Variants in BMAL1 observed in about 807,000 individuals in gnomAD.
BMAL1 encodes the protein basic helix-loop-helix ARNT-like protein 1.
chr11:13,287,275 T>A, the BMAL1 span, among the ~76,000 whole-genome samples: 9 of 152,166 alleles, frequency 5.9e-5, no homozygotes, highest in Admixed American at 6.5e-5. Context: ...TCATAGAGAG[T>A]GACAGAGCAC....
the BMAL1 span, chr11:13,354,370 C>T: frequency 6.2e-7 from 1 of 1,614,172 alleles, no homozygotes; most frequent in Non-Finnish European, 8.5e-7. Flanking sequence ...CCGGGCCCCA[C>T]CGACCTGCTT....
the BMAL1 span, among the ~76,000 whole-genome samples, chr11:13,290,559 A>ATATTATTATTAT: frequency 3.0e-4 from 44 of 149,060 alleles, no homozygotes; most frequent in African/African-American, 9.4e-4. Flanking sequence ...ACAAGTGTAT[A>ATATTATTATTAT]TATTATTATT....
the BMAL1 span, among the ~76,000 whole-genome samples, chr11:13,337,438 AT>A: frequency 2.0e-5 from 3 of 152,216 alleles, no homozygotes; most frequent in East Asian, 5.8e-4. Context: ...CTATTGATAT[AT>A]TAACAGATGC....
the BMAL1 span, among the ~76,000 whole-genome samples, chr11:13,294,535 C>T: frequency 6.6e-6 from 1 of 152,206 alleles, no homozygotes; most frequent in Non-Finnish European, 1.5e-5. Flanking sequence ...GTCACACTAT[C>T]TCAGACCTAT....
chr11:13,288,428 T>TTC, the BMAL1 span, among the ~76,000 whole-genome samples: 12 of 53,318 alleles, frequency 2.3e-4, no homozygotes, highest in Middle Eastern at 7.9e-3. Context: ...TTTTTTCTTT[T>TTC]TTTTTTTTTT....
At chr11:13,280,448 C>G in the BMAL1 span, among the ~76,000 whole-genome samples, 17 of 152,338 alleles carry the variant, frequency 1.1e-4, no homozygotes, top group Admixed American at 9.8e-4. Flanking sequence ...GTTAATATCT[C>G]TCTTTGGTGT....
At chr11:13,339,947 G>A in the BMAL1 span, among the ~76,000 whole-genome samples, 1 of 152,176 alleles carries the variant, frequency 6.6e-6, no homozygotes, top group African/African-American at 2.4e-5. Flanking sequence ...CCTGGCACTT[G>A]GATGCCCTCA....
chr11:13,373,166 T>TCTAATACAAC, the BMAL1 span, among the ~76,000 whole-genome samples: 1 of 152,198 alleles, frequency 6.6e-6, no homozygotes, highest in Non-Finnish European at 1.5e-5. Context: ...ACAGCGTTGA[T>TCTAATACAAC]CTAATCCAAC....
At chr11:13,332,866 C>T in the BMAL1 span, among the ~76,000 whole-genome samples, 17 of 152,152 alleles carry the variant, frequency 1.1e-4, no homozygotes, top group Middle Eastern at 3.4e-3. Flanking sequence ...TGGAATGACC[C>T]CAGGCTTCCT....
the BMAL1 span, chr11:13,378,510 C>G: frequency 1.3e-6 from 2 of 1,552,702 alleles, no homozygotes; most frequent in Middle Eastern, 1.7e-4. Flanking sequence ...ATTTTTTCCC[C>G]CAGGCAATAT....
At chr11:13,333,156 G>A in the BMAL1 span, among the ~76,000 whole-genome samples, 4 of 151,992 alleles carry the variant, frequency 2.6e-5, no homozygotes, top group East Asian at 1.9e-4. Context: ...TAGTAGAGAC[G>A]GGGTTTTGCC....
the BMAL1 span, among the ~76,000 whole-genome samples, chr11:13,323,831 G>A: frequency 1.8e-4 from 27 of 152,104 alleles, no homozygotes; most frequent in Admixed American, 1.3e-4. Flanking sequence ...TGGCCAGGCT[G>A]GTCTCAAACT....
chr11:13,311,476 T>C, the BMAL1 span, among the ~76,000 whole-genome samples: 3 of 152,102 alleles, frequency 2.0e-5, no homozygotes, highest in African/African-American at 7.2e-5. Flanking sequence ...TTGAGAAATG[T>C]AATGTCACAA....
At chr11:13,335,739 T>A in the BMAL1 span, among the ~76,000 whole-genome samples, 189 of 152,352 alleles carry the variant, frequency 1.2e-3, no homozygotes, top group African/African-American at 3.9e-3. Flanking sequence ...ATTTACCTAT[T>A]TGTTATGAAT....
At chr11:13,283,291 G>A in the BMAL1 span, among the ~76,000 whole-genome samples, 1 of 152,164 alleles carries the variant, frequency 6.6e-6, no homozygotes, top group Non-Finnish European at 1.5e-5. Context: ...TGTTTGAAAT[G>A]TCTGACCTGG....
the BMAL1 span, among the ~76,000 whole-genome samples, chr11:13,319,219 G>A: frequency 6.6e-6 from 1 of 152,174 alleles, no homozygotes; most frequent in Admixed American, 6.5e-5. Context: ...CCATGTTATG[G>A]TTGTATGTTA....
the BMAL1 span, among the ~76,000 whole-genome samples, chr11:13,298,326 A>G: frequency 0.012 from 1,761 of 152,114 alleles, 36 homozygotes; most frequent in African/African-American, 0.039. Flanking sequence ...GGCCTGGACC[A>G]TTCTTCCCCC....
At chr11:13,339,430 T>TACACACAC in the BMAL1 span, among the ~76,000 whole-genome samples, 61,779 of 143,914 alleles carry the variant, frequency 0.43, 12,845 homozygotes, top group Non-Finnish European at 0.46. Context: ...GCCCTGCTTT[T>TACACACAC]ACACACACAC....
chr11:13,308,021 G>T, the BMAL1 span, among the ~76,000 whole-genome samples: 1 of 152,180 alleles, frequency 6.6e-6, no homozygotes, highest in African/African-American at 2.4e-5. Flanking sequence ...TAGCAGCAGG[G>T]AAGCAGGGCA....
Sources: gnomAD v4.1 joint callset for allele counts (sites outside exome capture counted in the v4.1 genomes callset) on GRCh38, gnomAD v4.1.1 for gene constraint, MANE v1.5 for transcripts, NCBI Gene and HGNC (gene_info 2026-07-23, HGNC 2026-07-21) for gene names.